SHMT1: variants seen among roughly 807,000 people sequenced by gnomAD.
The protein encoded by SHMT1 is serine hydroxymethyltransferase, cytosolic.
Under a neutral mutation model 49.0 loss-of-function variants are expected in SHMT1, and 45 were observed. The observed-to-expected ratio is 0.92, with a 90% CI of 0.72 to 1.18. The LOEUF (loss-of-function observed/expected upper bound fraction) is 1.18, where lower values mean the gene tolerates loss of function less well. Among genes scored for constraint, SHMT1 ranks in the 50% most tolerant of loss-of-function variants. The probability of loss-of-function intolerance (pLI) is 0.00; values close to 1 mark genes in which losing one functional copy is unlikely to be tolerated. For missense variants in SHMT1, 541 were observed against 612.4 expected, an observed-to-expected ratio of 0.88 and a Z score of 1.23; for synonymous variants, 232 against 246.6, an observed-to-expected ratio of 0.94 and a Z score of 0.55.
At chr17:18,349,823 C>T (rs969029808) in intron 3 of SHMT1, among the ~76,000 whole-genome samples, 1 of 151,432 alleles carries the variant, frequency 6.6e-6, no homozygotes, top group African/African-American at 2.4e-5. Context: ...GAGTTCGAGA[C>T]CAGCCTGACC....
chr17:18,332,762 C>G (rs1983354979), intron 9 of SHMT1: 1 of 315,714 alleles, frequency 3.2e-6, no homozygotes, highest in African/African-American at 2.2e-5. Context: ...GCCCCTGCAC[C>G]CCCAGCTCAG....
At chr17:18,331,333 C>T (rs543107997) in intron 9 of SHMT1, 1 of 159,578 alleles carries the variant, frequency 6.3e-6, no homozygotes, top group South Asian at 1.8e-4. Flanking sequence ...GCTAGGGCTC[C>T]AGCTTGGCTT....
intron 3 of SHMT1, among the ~76,000 whole-genome samples, chr17:18,349,535 T>G (rs557603199): frequency 1.3e-5 from 2 of 151,584 alleles, no homozygotes; most frequent in African/African-American, 2.4e-5. Flanking sequence ...CTAGGCAACA[T>G]AGTGAGATCT....
chr17:18,334,021 C>T (rs1384909712), intron 8 of SHMT1, among the ~76,000 whole-genome samples: 2 of 152,122 alleles, frequency 1.3e-5, no homozygotes, highest in Non-Finnish European at 1.5e-5. Flanking sequence ...TCACTGCAAC[C>T]TCCGCCTCCC....
chr17:18,361,310 A>AAC (rs1555589379), intron 1 of SHMT1, among the ~76,000 whole-genome samples: 16 of 148,322 alleles, frequency 1.1e-4, no homozygotes, highest in African/African-American at 3.7e-4. Context: ...AAAAAAAAAA[A>AAC]AAAAACAAAA....
chr17:18,355,653 C>T (rs1406069995), intron 2 of SHMT1, among the ~76,000 whole-genome samples: 1 of 120,892 alleles, frequency 8.3e-6, no homozygotes, highest in East Asian at 2.7e-4. Flanking sequence ...AGTGATCTCT[C>T]CCCTTCTCGC....
chr17:18,352,172 G>A (rs1300943859), intron 3 of SHMT1, among the ~76,000 whole-genome samples: 2 of 112,670 alleles, frequency 1.8e-5, no homozygotes, highest in African/African-American at 3.6e-5. Flanking sequence ...TTTTGAGACG[G>A]AGGCTCGCTA....
rs144883567 is a variant in SHMT1 at position 18,347,707 on chromosome 17, A to G, written c.359-51T>C. 166 of 1,608,968 alleles carry G rather than the reference A, an allele frequency of 1.0e-4. 1 individual carries two copies. The East Asian group carries it at 3.6e-3, about 35-fold the overall frequency. ...ATGATTATTTCTAACTGAGGTACCA[A>G]GTGGCATCCGGGACCTTGGCCACTA... is the stretch of plus-strand genomic sequence containing the variant. On this transcript the variant is annotated intron_variant, in intron 4 of 11. Transcript: ENST00000316694.
At chr17:18,351,847 G>GT (rs935278016) in intron 3 of SHMT1, among the ~76,000 whole-genome samples, 2 of 151,516 alleles carry the variant, frequency 1.3e-5, no homozygotes, top group Non-Finnish European at 2.9e-5. Context: ...GTTTTTCGGG[G>GT]TTTTTTTTAA....
chr17:18,340,143 AGCC>A lies in SHMT1; in HGVS notation c.711_713del (p.Ala238del). 2 of 1,614,196 alleles carry A rather than the reference AGCC, an allele frequency of 1.2e-6. No homozygotes were observed. The highest frequency in any genetic ancestry group is 1.7e-6 in the Non-Finnish European group (2 of 1,180,040). On this transcript the variant is annotated inframe_deletion, in exon 7 of 12. Transcript: ENST00000316694. This position sits in a 1 kb window ranked among gnomAD's most constrained non-coding sequence, Gnocchi z 4.5. ...GTTCAAATGGGGAGGGCACCACGCCAGCCGCCACCAGCCCGCTGATGTGAGCCA... is the reference window on the plus strand; with the variant it reads ...GTTCAAATGGGGAGGGCACCACGCCAGCCACCAGCCCGCTGATGTGAGCCA...
rs1380980255 is a variant in SHMT1 at position 18,328,805 on chromosome 17, T to C, written c.1397A>G (p.Glu466Gly). 4 of 1,608,120 alleles carry C rather than the reference T, an allele frequency of 2.5e-6. No individual in the cohort carries two copies. The highest frequency in any genetic ancestry group is 2.5e-6 in the Non-Finnish European group (3 of 1,177,432). Residue 466 changes from glutamate (E) to glycine (G), a missense_variant, in exon 12 of 12, where the codon GAG becomes GGG. Glu to Gly is a moderately conservative substitution (Grantham distance 98, BLOSUM62 -2). Coordinates refer to ENST00000316694, the MANE Select transcript of SHMT1 (RefSeq NM_004169.5). ...KYQAAVQALR[E>G]EVESFASLFP... is the part of the protein sequence containing the mutation. ...GAGAGAGGCGAAGCTCTCAACCTCCTCCCGGAGAGCCTGCACGGCCGCCTG... is the reference window on the plus strand; with the variant it reads ...GAGAGAGGCGAAGCTCTCAACCTCCCCCCGGAGAGCCTGCACGGCCGCCTG...
chr17:18,357,019 C>T (rs1455930419), intron 1 of SHMT1, among the ~76,000 whole-genome samples: 3 of 152,096 alleles, frequency 2.0e-5, no homozygotes, highest in South Asian at 2.1e-4. Flanking sequence ...CGGTGGCTCA[C>T]GCCTGCAATC....
chr17:18,348,592 T>C (rs1246768932), intron 3 of SHMT1, 152 bp from the exon 4 acceptor site: 1 of 742,424 alleles, frequency 1.3e-6, no homozygotes, highest in Admixed American at 1.7e-5. Flanking sequence ...GAAGCCAGCA[T>C]GATCAAGTGT....
chr17:18,353,337 G>A (rs1193347068), intron 3 of SHMT1, among the ~76,000 whole-genome samples: 1 of 152,114 alleles, frequency 6.6e-6, no homozygotes, highest in Non-Finnish European at 1.5e-5. Flanking sequence ...CATGGCAACG[G>A]CCACCTTCTG....
At chr17:18,347,355 TC>T in intron 5 of SHMT1, 140 bp downstream of exon 5, 1 of 993,694 alleles carries the variant, frequency 1.0e-6, no homozygotes, top group Admixed American at 1.8e-5. Flanking sequence ...ACCTGAGGAG[TC>T]CCCGCTGCAA....
At chr17:18,336,931 G>A (rs1053147248) in intron 7 of SHMT1, among the ~76,000 whole-genome samples, 1 of 152,182 alleles carries the variant, frequency 6.6e-6, no homozygotes, top group African/African-American at 2.4e-5. Context: ...GAGTGACAGA[G>A]TGAGACCCTG....
At chr17:18,344,735 G>T (rs1984905182) in intron 5 of SHMT1, among the ~76,000 whole-genome samples, 1 of 152,128 alleles carries the variant, frequency 6.6e-6, no homozygotes, top group African/African-American at 2.4e-5. Context: ...TGCAGATGGG[G>T]TCCACAGTGC....
intron 2 of SHMT1, among the ~76,000 whole-genome samples, chr17:18,354,682 T>G (rs1319705507): frequency 6.6e-6 from 1 of 152,130 alleles, no homozygotes; most frequent in Non-Finnish European, 1.5e-5. Context: ...GTTATTTTTA[T>G]TCCTACATTT....
intron 1 of SHMT1, among the ~76,000 whole-genome samples, chr17:18,359,925 A>G (rs556954634): frequency 1.6e-3 from 242 of 149,304 alleles, no homozygotes; most frequent in Non-Finnish European, 3.0e-3. Flanking sequence ...CAGCCTGGCA[A>G]CAAAGCAAGA....
Sources: allele counts gnomAD v4.1 joint callset (sites outside exome capture counted in the v4.1 genomes callset), GRCh38; gene constraint gnomAD v4.1.1; non-coding constraint Gnocchi (gnomAD v3.1); transcripts MANE v1.5; gene names NCBI Gene and HGNC (gene_info 2026-07-23, HGNC 2026-07-21).